UBXN2A: variants seen among roughly 807,000 people sequenced by gnomAD.
UBXN2A encodes UBX domain-containing protein 2A.
A neutral mutation model predicts 28.4 loss-of-function variants in UBXN2A; 28 were observed. The ratio of observed to expected loss-of-function variants is 0.99; its 90% confidence interval spans 0.73 to 1.35. The LOEUF is 1.35. Ranked by LOEUF, UBXN2A falls within the 40% of genes most tolerant of loss-of-function variation. The pLI is 0.00. For synonymous variants in UBXN2A, 97 were observed against 103.6 expected, an observed-to-expected ratio of 0.94 and a Z score of 0.39; for missense variants, 253 against 297.9, an observed-to-expected ratio of 0.85 and a Z score of 1.11.
intron 3 of UBXN2A, 91 bp downstream of exon 3, chr2:23,971,505 T>G: frequency 7.4e-7 from 1 of 1,359,758 alleles, no homozygotes; most frequent in Non-Finnish European, 9.7e-7. Flanking sequence ...ATTGTTTTGT[T>G]TGAGACAAGG....
intron 2 of UBXN2A, among the ~76,000 whole-genome samples, chr2:23,961,381 C>T (rs1474636991): frequency 6.6e-6 from 1 of 151,968 alleles, no homozygotes; most frequent in Non-Finnish European, 1.5e-5. Context: ...CAGACGTGAG[C>T]CACCGTGCCT....
intron 3 of UBXN2A, among the ~76,000 whole-genome samples, chr2:23,974,376 C>T (rs547460736): frequency 5.5e-5 from 8 of 145,948 alleles, no homozygotes; most frequent in African/African-American, 1.0e-4. Flanking sequence ...GACGGACTCT[C>T]GCTCTGTCGC....
At chr2:23,954,942 T>C (rs1032492181) in intron 1 of UBXN2A, among the ~76,000 whole-genome samples, 25 of 149,958 alleles carry the variant, frequency 1.7e-4, no homozygotes, top group Admixed American at 1.0e-3. Context: ...TTTTTTTTTT[T>C]TTTTTTTTTG....
intron 1 of UBXN2A, among the ~76,000 whole-genome samples, chr2:23,956,850 CCTT>C (rs1237808422): frequency 6.6e-6 from 1 of 152,132 alleles, no homozygotes; most frequent in African/African-American, 2.4e-5. Flanking sequence ...TGCTTCCAGG[CCTT>C]CTCAGCAGAC....
chr2:23,965,405 G>T (rs1185461828), intron 2 of UBXN2A, among the ~76,000 whole-genome samples: 1 of 152,160 alleles, frequency 6.6e-6, no homozygotes, highest in African/African-American at 2.4e-5. Flanking sequence ...TTCCTAGTTG[G>T]TGGGGGTTTT....
intron 1 of UBXN2A, among the ~76,000 whole-genome samples, chr2:23,931,226 C>G (rs1436319520): frequency 6.6e-6 from 1 of 151,948 alleles, no homozygotes; most frequent in East Asian, 1.9e-4. Flanking sequence ...GCAGGCAGAT[C>G]ACTTGAGGCC....
intron 1 of UBXN2A, among the ~76,000 whole-genome samples, chr2:23,955,139 T>G (rs916971735): frequency 2.8e-4 from 43 of 151,904 alleles, no homozygotes; most frequent in Admixed American, 7.9e-4. Flanking sequence ...CACCTTGCTG[T>G]CCAGAATGGT....
intron 1 of UBXN2A, among the ~76,000 whole-genome samples, chr2:23,933,361 C>T (rs954500715): frequency 3.9e-5 from 6 of 152,156 alleles, no homozygotes; most frequent in Non-Finnish European, 8.8e-5. Flanking sequence ...ACAAAATTAG[C>T]TGGGCCTGGT....
chr2:23,977,045 G>T lies in UBXN2A; in HGVS notation c.257G>T (p.Ser86Ile). The change falls in exon 4 of 7, where the codon AGT becomes ATT. Residue 86 changes from serine (S) to isoleucine (I), a missense_variant. Physicochemically the swap from Ser to Ile is moderately radical, Grantham distance 142 (BLOSUM62 -2). Coordinates refer to ENST00000309033, the MANE Select transcript of UBXN2A (RefSeq NM_181713.4). ...TTCAGAAGTTATTCCGATGGTGCCA[G>T]TCAGCAGTTTTTGAACTCCATCAAA... ...DDFRSYSDGA[S>I]QQFLNSIKKG... The T allele has an allele frequency of 6.2e-7, 1 of 1,613,036 alleles. No homozygotes were observed. The highest frequency in any genetic ancestry group is 1.1e-5 in the South Asian group (1 of 91,024).
At chr2:23,994,917 T>G (rs1310384846) in intron 6 of UBXN2A, among the ~76,000 whole-genome samples, 1 of 152,218 alleles carries the variant, frequency 6.6e-6, no homozygotes, top group Non-Finnish European at 1.5e-5. Context: ...GACTTGAACC[T>G]TAGGGTCTGA....
intron 6 of UBXN2A, among the ~76,000 whole-genome samples, chr2:23,998,214 T>C (rs1461092534): frequency 6.6e-6 from 1 of 152,238 alleles, no homozygotes; most frequent in Non-Finnish European, 1.5e-5. Context: ...GTCATCATCA[T>C]TGATACATGA....
intron 3 of UBXN2A, among the ~76,000 whole-genome samples, chr2:23,972,816 G>C (rs1707473669): frequency 1.3e-5 from 2 of 151,576 alleles, no homozygotes; most frequent in Non-Finnish European, 1.5e-5. Context: ...AGCTAGACTT[G>C]GTCTCAAAAT....
At chr2:23,957,052 A>G (rs4665250) in intron 1 of UBXN2A, among the ~76,000 whole-genome samples, 68,516 of 152,074 alleles carry the variant, frequency 0.45, 16,350 homozygotes, top group East Asian at 0.78. Context: ...GATACTATGT[A>G]AATAGTTGTT....
chr2:24,004,075 C>T lies in UBXN2A; in HGVS notation c.*4208C>T, dbSNP rs1017799746. On this transcript the variant is annotated 3_prime_UTR_variant, in exon 7 of 7. Coordinates refer to ENST00000309033, the MANE Select transcript of UBXN2A (RefSeq NM_181713.4). ...AAGACCTGTTGTCATCAATAACCTTCATTATTCTAACTGTGAAACGTTCAT... is the reference window on the plus strand; with the variant it reads ...AAGACCTGTTGTCATCAATAACCTTTATTATTCTAACTGTGAAACGTTCAT... The T allele has an allele frequency of 1.3e-5, 2 of 152,210 alleles. No individual in the cohort carries two copies. The highest frequency in any genetic ancestry group is 1.3e-4 in the Admixed American group (2 of 15,276). The allele number at this position is 152,210 out of a possible 1,614,324, so 9.4% of individuals were successfully genotyped here.
chr2:23,979,614 G>A (rs966363111), intron 4 of UBXN2A, among the ~76,000 whole-genome samples: 3 of 151,996 alleles, frequency 2.0e-5, no homozygotes, highest in African/African-American at 7.3e-5. Flanking sequence ...GTTTTTTGAG[G>A]CTGGAGTGCA....
At chr2:23,996,402 G>C (rs1289547713) in intron 6 of UBXN2A, among the ~76,000 whole-genome samples, 1 of 150,472 alleles carries the variant, frequency 6.6e-6, no homozygotes, top group African/African-American at 2.4e-5. Context: ...TGAATCTTTA[G>C]TTATGCTGCA....
chr2:23,965,023 A>G (rs1323287241), intron 2 of UBXN2A, among the ~76,000 whole-genome samples: 2 of 152,090 alleles, frequency 1.3e-5, no homozygotes, highest in African/African-American at 4.8e-5. Flanking sequence ...AACTATAGGC[A>G]TGTGCCACCA....
intron 1 of UBXN2A, among the ~76,000 whole-genome samples, chr2:23,928,756 A>G (rs1357735209): frequency 6.6e-6 from 1 of 152,168 alleles, no homozygotes; most frequent in Admixed American, 6.6e-5. Flanking sequence ...CATTCCAAAA[A>G]ACTGTACAAC....
chr2:23,947,991 A>T (rs1706171437), intron 1 of UBXN2A, among the ~76,000 whole-genome samples: 1 of 151,690 alleles, frequency 6.6e-6, no homozygotes, highest in South Asian at 2.1e-4. Flanking sequence ...AGTAGCTGAG[A>T]TTACAGGTGC....
Sources: gnomAD v4.1 joint callset for allele counts (sites outside exome capture counted in the v4.1 genomes callset) on GRCh38, gnomAD v4.1.1 for gene constraint, MANE v1.5 for transcripts, NCBI Gene and HGNC (gene_info 2026-07-23, HGNC 2026-07-21) for gene names.